The following OPCML variants were observed in gnomAD, a reference collection of about 807,000 sequenced individuals.
The protein encoded by OPCML is opioid-binding protein/cell adhesion molecule.
In OPCML, 13 loss-of-function variants were observed where a neutral mutation model predicts 37.8. That is an observed-to-expected ratio of 0.34 (90% CI 0.22 to 0.55). The LOEUF is 0.55. Among genes scored for constraint, OPCML ranks in the 20% least tolerant of loss-of-function variants. The pLI is 0.91. For missense variants in OPCML, 341 were observed against 435.6 expected (o/e 0.78, Z 1.93); for synonymous variants, 176 against 168.8 (o/e 1.04, Z -0.33).
chr11:132,492,629 T>A (rs1245621586), intron 4 of OPCML, among the ~76,000 whole-genome samples: 2 of 152,100 alleles, frequency 1.3e-5, no homozygotes, highest in African/African-American at 4.8e-5. Flanking sequence ...AGGCCCAGTT[T>A]GGCTTCCTGT....
intron 1 of OPCML, among the ~76,000 whole-genome samples, chr11:133,242,988 G>C (rs1940785651): frequency 6.6e-6 from 1 of 152,130 alleles, no homozygotes; most frequent in Non-Finnish European, 1.5e-5. Flanking sequence ...GTTACACCGT[G>C]GTCTCTGCTT....
At chr11:132,903,064 C>A (rs1944118008) in intron 2 of OPCML, among the ~76,000 whole-genome samples, 1 of 152,238 alleles carries the variant, frequency 6.6e-6, no homozygotes, top group Non-Finnish European at 1.5e-5. Flanking sequence ...TACTTGTCTA[C>A]ATCCCCCATT....
At position 132,429,901 on chromosome 11, in the gene OPCML, G is replaced by A. The variant is rs554597835; in HGVS notation, c.916+6185C>T. On this transcript the variant is annotated intron_variant, in intron 7 of 7. Transcript: ENST00000524381. The stretch of plus-strand genomic sequence containing the variant: ...CCCCTCTCACCATAGGCTGACCCCC[G>A]GGAAGACTGATAGGGCAGGTGCCGG... 3.3e-5 allele frequency among the ~76,000 whole-genome samples: 5 copies of A among 152,106 alleles called. No individual in the cohort carries two copies. In the East Asian group the frequency reaches 7.7e-4, roughly 24 times the overall value.
chr11:132,606,405 C>T (rs1455889352), intron 3 of OPCML, among the ~76,000 whole-genome samples: 4 of 152,278 alleles, frequency 2.6e-5, no homozygotes, highest in East Asian at 3.9e-4. Context: ...CTGCCCTGCT[C>T]GTCTTAGACC....
chr11:133,491,333 T>C (rs1284404716), intron 1 of OPCML, among the ~76,000 whole-genome samples: 1 of 152,196 alleles, frequency 6.6e-6, no homozygotes, highest in Non-Finnish European at 1.5e-5. Context: ...AAAATGTCTC[T>C]TTCCACTCAT....
chr11:132,818,970 C>T (rs1334953346), intron 2 of OPCML, among the ~76,000 whole-genome samples: 1 of 148,388 alleles, frequency 6.7e-6, no homozygotes, highest in Non-Finnish European at 1.5e-5. Flanking sequence ...ACTTGGGGCA[C>T]ACCCTATGTA....
chr11:132,642,703 C>A (rs1940923817), intron 3 of OPCML, among the ~76,000 whole-genome samples: 1 of 152,148 alleles, frequency 6.6e-6, no homozygotes, highest in Non-Finnish European at 1.5e-5. Context: ...CCTTAATGCC[C>A]AACCTCATGA....
chr11:133,322,755 T>C (rs1565571366), intron 1 of OPCML, among the ~76,000 whole-genome samples: 1 of 152,174 alleles, frequency 6.6e-6, no homozygotes, highest in Non-Finnish European at 1.5e-5. Flanking sequence ...AAGGCCCTGG[T>C]TCTATCTCCA....
intron 2 of OPCML, among the ~76,000 whole-genome samples, chr11:132,698,013 TA>T (rs1224275746): frequency 1.1e-5 from 1 of 88,240 alleles, no homozygotes; most frequent in Non-Finnish European, 2.5e-5. Flanking sequence ...TTTATTTATT[TA>T]TTTATTTATT....
intron 2 of OPCML, among the ~76,000 whole-genome samples, chr11:132,834,372 G>A (rs1276741334): frequency 2.0e-5 from 3 of 152,148 alleles, no homozygotes; most frequent in Admixed American, 1.3e-4. Context: ...TGAATACTAG[G>A]CGTAAGCTTC....
intron 1 of OPCML, among the ~76,000 whole-genome samples, chr11:133,039,830 C>A (rs1465992369): frequency 6.6e-6 from 1 of 152,066 alleles, no homozygotes; most frequent in Non-Finnish European, 1.5e-5. Context: ...GAGTTTGAGA[C>A]CAGCCTGGCC....
chr11:133,327,096 G>A (rs1480913649), intron 1 of OPCML, among the ~76,000 whole-genome samples: 4 of 138,942 alleles, frequency 2.9e-5, no homozygotes, highest in African/African-American at 8.1e-5. Flanking sequence ...GTATGTGGTG[G>A]TGTGTGTATG....
chr11:132,576,842 C>T (rs1476403703), intron 3 of OPCML, among the ~76,000 whole-genome samples: 1 of 152,118 alleles, frequency 6.6e-6, no homozygotes, highest in Admixed American at 6.6e-5. Context: ...TTTCTGTCTG[C>T]TTGCTCTGTG....
chr11:132,892,092 G>A (rs1034472217), intron 2 of OPCML, among the ~76,000 whole-genome samples: 1 of 152,174 alleles, frequency 6.6e-6, no homozygotes, highest in African/African-American at 2.4e-5. Context: ...GAATACTTAA[G>A]GACTTCTCCT....
At chr11:133,373,665 G>A in intron 1 of OPCML, among the ~76,000 whole-genome samples, 1 of 151,256 alleles carries the variant, frequency 6.6e-6, no homozygotes, top group East Asian at 1.9e-4. Context: ...AAAAAACAAA[G>A]AAAATAAATT....
intron 2 of OPCML, among the ~76,000 whole-genome samples, chr11:132,805,162 C>T (rs1357322152): frequency 6.6e-6 from 1 of 151,948 alleles, no homozygotes; most frequent in African/African-American, 2.4e-5. Context: ...TGGATGGACT[C>T]ATTAGCATAT....
chr11:132,751,767 C>G (rs1268153008), intron 2 of OPCML, among the ~76,000 whole-genome samples: 2 of 152,174 alleles, frequency 1.3e-5, no homozygotes, highest in African/African-American at 4.8e-5. Flanking sequence ...TTATTTTCTG[C>G]ATCTATGAGA....
chr11:132,924,760 T>C (rs1665292792), intron 2 of OPCML, among the ~76,000 whole-genome samples: 1 of 152,242 alleles, frequency 6.6e-6, no homozygotes, highest in South Asian at 2.1e-4. Flanking sequence ...TGTTTGCCAT[T>C]ATCCTGCTCA....
At chr11:133,333,528 A>T (rs1314255094) in intron 1 of OPCML, among the ~76,000 whole-genome samples, 1 of 152,236 alleles carries the variant, frequency 6.6e-6, no homozygotes, top group East Asian at 1.9e-4. Context: ...TAAACCCAAA[A>T]CTATAAAAAC....
Sources: allele counts gnomAD v4.1 joint callset (sites outside exome capture counted in the v4.1 genomes callset), GRCh38; gene constraint gnomAD v4.1.1; transcripts MANE v1.5; gene names NCBI Gene and HGNC (gene_info 2026-07-23, HGNC 2026-07-21).